The following SPOCK1 variants were observed in gnomAD, a reference collection of about 807,000 sequenced individuals.
SPOCK1 encodes SPARC (osteonectin), cwcv and kazal like domains proteoglycan 1, also known as testican-1.
SPOCK1 carries 23 observed loss-of-function variants against 55.3 expected under a neutral mutation model. The ratio of observed to expected loss-of-function variants is 0.42; its 90% CI spans 0.30 to 0.59. The LOEUF (loss-of-function observed/expected upper bound fraction) is 0.59. Ranked by LOEUF, SPOCK1 falls within the 20% of genes least tolerant of loss-of-function variation. The pLI is 0.22. For missense variants in SPOCK1, 499 were observed against 552.5 expected, an observed-to-expected ratio of 0.90 and a Z score of 0.97; for synonymous variants, 226 against 221.0, an observed-to-expected ratio of 1.02 and a Z score of -0.20.
chr5:137,445,876 G>A lies in SPOCK1; in HGVS notation c.186+52497C>T, dbSNP rs186245428. On this transcript the variant is annotated intron_variant, in intron 2 of 10. Coordinates refer to ENST00000394945, the MANE Select transcript of SPOCK1 (RefSeq NM_004598.4). ...AGATATATTATGCTCTAAAATGAATGGTATTCAGATCCCTGGAACTAGATA... is the reference window on the plus strand; with the variant it reads ...AGATATATTATGCTCTAAAATGAATAGTATTCAGATCCCTGGAACTAGATA... Among the ~76,000 whole-genome samples, 26 of 152,194 alleles carry A rather than the reference G, an allele frequency of 1.7e-4. No homozygotes were observed. In the East Asian group the frequency reaches 4.8e-3, roughly 28 times the overall value.
intron 2 of SPOCK1, among the ~76,000 whole-genome samples, chr5:137,286,333 T>TA (rs1177986556): frequency 4.6e-5 from 7 of 152,214 alleles, no homozygotes; most frequent in African/African-American, 1.7e-4. Flanking sequence ...AGAAGGGATG[T>TA]AGGGAACTAA....
intron 2 of SPOCK1, among the ~76,000 whole-genome samples, chr5:137,366,344 C>CT (rs144508044): frequency 0.056 from 8,580 of 152,230 alleles, 574 homozygotes; most frequent in African/African-American, 0.17. Flanking sequence ...CTACCATTTA[C>CT]TGAACACTCA....
At position 137,333,452 on chromosome 5, in the gene SPOCK1, A is replaced by T. The variant is rs560640172; in HGVS notation, c.187-66397T>A. ...ACACTGGGGCCCTCCCCAGGTTGAG[A>T]CCCCCATGTTGGCCACCACTAGGGA... On this transcript the variant is annotated intron_variant, in intron 2 of 10. Coordinates refer to ENST00000394945, the MANE Select transcript of SPOCK1 (RefSeq NM_004598.4). Among the ~76,000 whole-genome samples the T allele has an allele frequency of 5.3e-5, 8 of 151,962 alleles. No homozygotes were observed. The South Asian group carries it at 1.7e-3, about 32-fold the overall frequency.
intron 2 of SPOCK1, among the ~76,000 whole-genome samples, chr5:137,475,300 C>T (rs1424026937): frequency 6.6e-6 from 1 of 152,118 alleles, no homozygotes; most frequent in Non-Finnish European, 1.5e-5. Context: ...CCCCCTCGCC[C>T]CCAAATGGTA....
At chr5:137,238,091 C>A (rs183783025) in intron 3 of SPOCK1, among the ~76,000 whole-genome samples, 2 of 152,148 alleles carry the variant, frequency 1.3e-5, no homozygotes. Flanking sequence ...AATAAGCTTT[C>A]TCTTCTATAA....
At chr5:137,066,963 T>TACACACACAC (rs147918575) in intron 6 of SPOCK1, among the ~76,000 whole-genome samples, 4,780 of 126,058 alleles carry the variant, frequency 0.038, 97 homozygotes, top group African/African-American at 0.052. Context: ...AACATAAGCA[T>TACACACACAC]ACACACACAC....
intron 2 of SPOCK1, among the ~76,000 whole-genome samples, chr5:137,418,099 C>A (rs1257811262): frequency 3.3e-5 from 5 of 152,142 alleles, no homozygotes; most frequent in Non-Finnish European, 7.4e-5. Context: ...ATGACGGCTT[C>A]CAGCTTCATC....
At chr5:137,483,893 T>C (rs971144332) in intron 2 of SPOCK1, among the ~76,000 whole-genome samples, 2 of 152,222 alleles carry the variant, frequency 1.3e-5, no homozygotes, top group Non-Finnish European at 1.5e-5. Context: ...GTCTCGTTCA[T>C]GATGCTGAGA....
At chr5:137,482,050 A>T (rs1008007130) in intron 2 of SPOCK1, among the ~76,000 whole-genome samples, 3 of 152,226 alleles carry the variant, frequency 2.0e-5, no homozygotes, top group Non-Finnish European at 4.4e-5. Context: ...GTGACTGGCC[A>T]GGGCAGAGAT....
chr5:137,460,755 GC>G (rs1019187752), intron 2 of SPOCK1, among the ~76,000 whole-genome samples: 1 of 80,894 alleles, frequency 1.2e-5, no homozygotes, highest in African/African-American at 5.0e-5. Flanking sequence ...GATCTACAAA[GC>G]TCTACATATC....
At chr5:137,258,420 T>G (rs951878408) in intron 3 of SPOCK1, among the ~76,000 whole-genome samples, 2 of 152,192 alleles carry the variant, frequency 1.3e-5, no homozygotes, top group South Asian at 4.1e-4. Context: ...GGCCTGAAAG[T>G]TGTAGAGGAC....
intron 5 of SPOCK1, among the ~76,000 whole-genome samples, chr5:137,091,514 G>A (rs952667563): frequency 6.6e-6 from 1 of 152,182 alleles, no homozygotes; most frequent in Non-Finnish European, 1.5e-5. Flanking sequence ...TTACATTTAT[G>A]TTTTGGTTTC....
intron 6 of SPOCK1, among the ~76,000 whole-genome samples, chr5:137,003,049 GATTT>G (rs1751179987): frequency 6.6e-6 from 1 of 152,152 alleles, no homozygotes; most frequent in Admixed American, 6.6e-5. Context: ...TGAATAAAGT[GATTT>G]ATTTTTAATG....
chr5:137,279,084 C>T (rs1757124855), intron 2 of SPOCK1, among the ~76,000 whole-genome samples: 1 of 152,034 alleles, frequency 6.6e-6, no homozygotes, highest in East Asian at 1.9e-4. Flanking sequence ...TGCCCGATGA[C>T]ACATCCAGAT....
intron 3 of SPOCK1, among the ~76,000 whole-genome samples, chr5:137,227,246 C>T (rs528968142): frequency 1.3e-5 from 2 of 152,138 alleles, no homozygotes; most frequent in Non-Finnish European, 2.9e-5. Flanking sequence ...AAGCATGGAC[C>T]CTGAAATCCT....
chr5:137,056,860 G>C (rs972711355), intron 6 of SPOCK1, among the ~76,000 whole-genome samples: 4 of 151,952 alleles, frequency 2.6e-5, no homozygotes, highest in Admixed American at 6.6e-5. Flanking sequence ...ACCTTCTTGA[G>C]ACCCTCCCCC....
intron 6 of SPOCK1, among the ~76,000 whole-genome samples, chr5:136,996,108 C>T (rs528808363): frequency 1.1e-4 from 17 of 152,296 alleles, no homozygotes; most frequent in Middle Eastern, 3.4e-3. Context: ...GAGAAAAGTG[C>T]CTGCCTTTTA....
At chr5:137,182,057 C>A (rs992676514) in intron 3 of SPOCK1, among the ~76,000 whole-genome samples, 5 of 152,198 alleles carry the variant, frequency 3.3e-5, no homozygotes, top group Admixed American at 6.5e-5. Flanking sequence ...GATCAATGCA[C>A]AGCTAAAGAG....
intron 6 of SPOCK1, among the ~76,000 whole-genome samples, chr5:137,039,391 G>C (rs374318982): frequency 8.9e-5 from 13 of 146,706 alleles, no homozygotes; most frequent in African/African-American, 3.0e-4. Context: ...TATGGATCTT[G>C]ATCCTTGAGG....
Sources: allele counts gnomAD v4.1 joint callset (sites outside exome capture counted in the v4.1 genomes callset), GRCh38; gene constraint gnomAD v4.1.1; transcripts MANE v1.5; gene names NCBI Gene and HGNC (gene_info 2026-07-23, HGNC 2026-07-21).